RARG: variants seen among roughly 807,000 people sequenced by gnomAD.
The protein encoded by RARG is RAR-gamma.
In RARG, 17 loss-of-function variants were observed where a neutral mutation model predicts 43.7. The ratio of observed to expected loss-of-function variants is 0.39; its 90% CI spans 0.27 to 0.58. The LOEUF is 0.58. RARG is among the 20% of genes least tolerant of loss of function. RARG has a pLI of 0.57. For synonymous variants in RARG, 238 were observed against 236.4 expected, an observed-to-expected ratio of 1.01 and a Z score of -0.06; for missense variants, 346 against 598.7, an observed-to-expected ratio of 0.58 and a Z score of 4.40.
At chr12:53,222,227 AAGAGAG>A (rs966469367) in intron 3 of RARG, among the ~76,000 whole-genome samples, 1 of 139,788 alleles carries the variant, frequency 7.2e-6, no homozygotes, top group Admixed American at 6.8e-5. Context: ...AAAAGAAAGA[AAGAGAG>A]AGAAAGAAAA....
chr12:53,211,184 CG>C lies in RARG; in HGVS notation c.*491del, dbSNP rs1451716115. The C allele has an allele frequency of 1.3e-5, 2 of 153,210 alleles. No individual in the cohort carries two copies. Among genetic ancestry groups the C allele is most frequent in the Non-Finnish European group, 2.9e-5 (2 of 68,464 alleles). The allele number at this position is 153,210 out of a possible 1,614,324, so 9.5% of individuals were successfully genotyped here. Reference sequence around the variant, plus strand: ...CCCCCACCTTGACCTGGCACAAGGACGGGGCACAGAGGCTAGCACACACCCT... The same window carrying C: ...CCCCCACCTTGACCTGGCACAAGGACGGGCACAGAGGCTAGCACACACCCT... On this transcript the variant is annotated 3_prime_UTR_variant, in exon 10 of 10. Transcript: ENST00000425354. This position sits in a 1 kb window ranked among gnomAD's most constrained non-coding sequence, Gnocchi z 4.6.
intron 3 of RARG, among the ~76,000 whole-genome samples, chr12:53,223,688 C>T (rs1162546321): frequency 1.3e-5 from 2 of 152,236 alleles, no homozygotes. Flanking sequence ...TACCCGCCTG[C>T]TTGTTCTCCT....
chr12:53,223,016 A>G (rs1430440684), intron 3 of RARG, among the ~76,000 whole-genome samples: 3 of 152,012 alleles, frequency 2.0e-5, no homozygotes, highest in Admixed American at 2.0e-4. Flanking sequence ...GGCAAAGAGG[A>G]GAGTACCCCT....
At position 53,216,699 on chromosome 12, in the gene RARG, T is replaced by C. The variant is rs183374252; in HGVS notation, c.185-905A>G. Among the ~76,000 whole-genome samples the C allele has an allele frequency of 2.4e-3, 360 of 152,178 alleles. 2 individuals are homozygous for C. Among genetic ancestry groups the C allele is most frequent in the African/African-American group, 8.0e-3 (330 of 41,494 alleles). On this transcript the variant is annotated intron_variant, in intron 3 of 9. Transcript: ENST00000425354. ...CAGGACTGATGGGGGAGGGAACCTG[T>C]TTCTGGACCCTCTCTGAGCTTATGT... is the stretch of plus-strand genomic sequence containing the variant.
At chr12:53,231,412 GGGAA>G (rs1943233927) in intron 1 of RARG, 177 bp from the exon 2 acceptor site, 1 of 152,286 alleles carries the variant, frequency 6.6e-6, no homozygotes, top group Non-Finnish European at 1.5e-5. Context: ...ACGTGTGGGA[GGGAA>G]TCCAGCGCTT....
chr12:53,218,769 T>C (rs1045454939), intron 3 of RARG, among the ~76,000 whole-genome samples: 1 of 151,498 alleles, frequency 6.6e-6, no homozygotes, highest in Non-Finnish European at 1.5e-5. Flanking sequence ...TGACCTGGCG[T>C]GCGCACTCCC....
chr12:53,211,779 AT>A lies in RARG; in HGVS notation c.1261del (p.Met421CysfsTer30). On this transcript the variant is annotated frameshift_variant, in exon 10 of 10. Coordinates refer to ENST00000425354, the MANE Select transcript of RARG (RefSeq NM_000966.6). LOFTEE classifies it high-confidence loss of function. This position sits in a 1 kb window ranked among gnomAD's most constrained non-coding sequence, Gnocchi z 4.6. ...LIREMLENPE[M>X]FEDDSSQPGP... Reference sequence around the variant, plus strand: ...AGGCTGCGAGGAGTCATCCTCAAACATTTCAGGGTTCTCCAGCATCTCTCGG... The same window carrying A: ...AGGCTGCGAGGAGTCATCCTCAAACATTCAGGGTTCTCCAGCATCTCTCGG... 1 of 1,561,746 alleles carries A rather than the reference AT, an allele frequency of 6.4e-7. No homozygotes were observed. The highest frequency in any genetic ancestry group is 8.7e-7 in the Non-Finnish European group (1 of 1,153,628).
Position 53,232,072 on chromosome 12 carries a change from G to T in RARG, c.-308C>A, listed in dbSNP as rs555682666. Reference sequence around the variant, plus strand: ...CGCAATGTCCGGGGCTCGCCGTACTGGGGGGCTCCTGGGGGGGCACGGCTC... The same window carrying T: ...CGCAATGTCCGGGGCTCGCCGTACTTGGGGGCTCCTGGGGGGGCACGGCTC... On this transcript the variant is annotated 5_prime_UTR_variant, in exon 1 of 10. Coordinates refer to ENST00000425354, the MANE Select transcript of RARG (RefSeq NM_000966.6). 1.8e-3 allele frequency: 708 copies of T among 398,536 alleles called. 9 individuals are homozygous for T. The East Asian group carries it at 0.022, about 12-fold the overall frequency. The allele number at this position is 398,536 out of a possible 1,614,324, so 24.7% of individuals were successfully genotyped here.
chr12:53,230,110 G>A, intron 2 of RARG: 3 of 431,960 alleles, frequency 6.9e-6, no homozygotes, highest in Non-Finnish European at 9.2e-6. Context: ...CTAAGGAATT[G>A]AAGGCAGTGC....
At chr12:53,224,895 G>T (rs1260925012) in intron 3 of RARG, among the ~76,000 whole-genome samples, 1 of 152,092 alleles carries the variant, frequency 6.6e-6, no homozygotes, top group Non-Finnish European at 1.5e-5. Context: ...ATCTCACTTT[G>T]AACCCTGACC....
chr12:53,213,289 G>A lies in RARG; in HGVS notation c.1019-46C>T, dbSNP rs1402476088. ...GAGTGAGAGGGGAAGGAAGAGATGG[G>A]GAAGACACAGTGACAGATGGCTGAT... On this transcript the variant is annotated intron_variant, in intron 8 of 9. Coordinates refer to ENST00000425354, the MANE Select transcript of RARG (RefSeq NM_000966.6). This position sits in a 1 kb window ranked among gnomAD's most constrained non-coding sequence, Gnocchi z 4.7. 6 of 1,516,556 alleles carry A rather than the reference G, an allele frequency of 4.0e-6. No homozygotes were observed. The African/African-American group carries it at 5.5e-5, about 14-fold the overall frequency. 93.9% of individuals were successfully genotyped at this position (1,516,556 alleles called of 1,614,324 possible). A position where few individuals can be genotyped will look rare whatever the true frequency, so the allele number is the denominator to read the frequency against.
chr12:53,230,784 G>A (rs1444227170), intron 2 of RARG, among the ~76,000 whole-genome samples: 2 of 151,758 alleles, frequency 1.3e-5, no homozygotes, highest in South Asian at 4.1e-4. Flanking sequence ...GGGGTGTGCC[G>A]GGGTGTGGGG....
chr12:53,220,365 G>C (rs1159750844), intron 3 of RARG: 1 of 986,648 alleles, frequency 1.0e-6, no homozygotes, highest in East Asian at 1.1e-4. Flanking sequence ...CTAGCACTGG[G>C]GAGACCTTTT....
At chr12:53,217,706 T>C (rs949359617) in intron 3 of RARG, among the ~76,000 whole-genome samples, 2 of 152,270 alleles carry the variant, frequency 1.3e-5, no homozygotes, top group South Asian at 2.1e-4. Flanking sequence ...GACCCCACCA[T>C]TGGGATGCAG....
chr12:53,214,940 G>A (rs190828905), intron 5 of RARG: 3 of 323,906 alleles, frequency 9.3e-6, no homozygotes, highest in East Asian at 6.3e-5. Flanking sequence ...ATGGGGGCGA[G>A]GGGGGGGTGG....
chr12:53,224,849 G>A (rs536769027), intron 3 of RARG, among the ~76,000 whole-genome samples: 14 of 152,092 alleles, frequency 9.2e-5, no homozygotes, highest in South Asian at 2.1e-4. Flanking sequence ...CATGGCCTTC[G>A]AAGATGGAGC....
At chr12:53,230,566 C>T (rs1261096556) in intron 2 of RARG, among the ~76,000 whole-genome samples, 2 of 152,148 alleles carry the variant, frequency 1.3e-5, no homozygotes, top group East Asian at 3.9e-4. Context: ...TGGCATTGTG[C>T]CATCCCTGGG....
intron 3 of RARG, among the ~76,000 whole-genome samples, chr12:53,221,202 C>T (rs1942952151): frequency 6.6e-6 from 1 of 150,608 alleles, no homozygotes; most frequent in African/African-American, 2.4e-5. Context: ...CCCCTCCTAG[C>T]CCGAGCAGTC....
chr12:53,221,727 T>C (rs11170484), intron 3 of RARG, among the ~76,000 whole-genome samples: 36,250 of 148,810 alleles, frequency 0.24, 7,015 homozygotes, highest in African/African-American at 0.53. Flanking sequence ...CTCCCGGAAA[T>C]CCCCCCCTCC....
Sources: gnomAD v4.1 joint callset for allele counts (sites outside exome capture counted in the v4.1 genomes callset) on GRCh38, gnomAD v4.1.1 for gene constraint, Gnocchi (gnomAD v3.1) non-coding constraint, MANE v1.5 for transcripts, NCBI Gene and HGNC (gene_info 2026-07-23, HGNC 2026-07-21) for gene names.